The following DNAH5 variants were observed in gnomAD, a reference collection of about 807,000 sequenced individuals.
DNAH5 encodes the protein axonemal beta dynein heavy chain 5.
A neutral mutation model predicts 518.2 loss-of-function variants in DNAH5; 372 were observed. The observed-to-expected ratio is 0.72, with a 90% CI of 0.66 to 0.78. The LOEUF (loss-of-function observed/expected upper bound fraction) is 0.78, where lower values mean the gene tolerates loss of function less well. Ranked by LOEUF, DNAH5 falls within the 30% of genes least tolerant of loss-of-function variation. The probability of loss-of-function intolerance (pLI) is 0.00; values close to 1 mark genes in which losing one functional copy is unlikely to be tolerated. For missense variants in DNAH5, 5,523 were observed against 5,687.0 expected, an observed-to-expected ratio of 0.97 and a Z score of 0.93; for synonymous variants, 2,039 against 2,025.9, an observed-to-expected ratio of 1.01 and a Z score of -0.17.
intron 1 of DNAH5, among the ~76,000 whole-genome samples, chr5:13,961,444 G>A (rs1781171363): frequency 1.3e-5 from 2 of 152,106 alleles, no homozygotes; most frequent in Admixed American, 6.6e-5. Context: ...AGGAGTTCAA[G>A]ACCAGCCTGG....
chr5:13,982,294 C>A (rs1009037593), intron 1 of DNAH5, among the ~76,000 whole-genome samples: 1 of 152,268 alleles, frequency 6.6e-6, no homozygotes, highest in Non-Finnish European at 1.5e-5. Flanking sequence ...TCTCTATTTG[C>A]CTCATCCTAC....
chr5:13,793,489 C>A, intron 49 of DNAH5, 26 bp downstream of exon 49: 1 of 1,594,088 alleles, frequency 6.3e-7, no homozygotes, highest in Non-Finnish European at 8.6e-7. Context: ...CCTCACCCTC[C>A]CACCCCACAT....
intron 1 of DNAH5, among the ~76,000 whole-genome samples, chr5:14,008,620 C>T (rs536890867): frequency 8.7e-5 from 13 of 149,002 alleles, no homozygotes; most frequent in African/African-American, 7.4e-5. Flanking sequence ...GGCAACAGAG[C>T]GAGACTCTGT....
At chr5:13,922,598 G>A (rs12657602) in intron 4 of DNAH5, among the ~76,000 whole-genome samples, 9 of 151,426 alleles carry the variant, frequency 5.9e-5, no homozygotes, top group Non-Finnish European at 1.2e-4. Flanking sequence ...GTGGTGGCAG[G>A]CACCTGTAAT....
intron 57 of DNAH5, 92 bp downstream of exon 57, chr5:13,769,409 A>T: frequency 1.9e-6 from 2 of 1,067,482 alleles, no homozygotes. Flanking sequence ...TGTATACTTC[A>T]CTAGTTATAG....
rs770276245 is a variant in DNAH5, at chr5:13,719,092, C to T, written c.12289G>A (p.Ala4097Thr). 2 of 1,613,600 alleles carry T rather than the reference C, an allele frequency of 1.2e-6. No individual in the cohort carries two copies. Among genetic ancestry groups the T allele is most frequent in the Non-Finnish European group, 1.7e-6 (2 of 1,179,660 alleles). The change falls in exon 72 of 79, where the codon GCA becomes ACA. Residue 4097 changes from alanine to threonine, a missense_variant. Ala to Thr is a moderately conservative substitution (Grantham distance 58). Around this residue, in one of 3 missense-constraint regions of DNAH5, gnomAD observed 5,121 missense variants for 5,223.3 expected, o/e 0.98. Transcript: ENST00000265104. Reference sequence around the variant, plus strand: ...CCCAGATGGCAGTTCTGCAGAAGTGCCCATCCTCCCTGTCAATAGCAGTAA... The same window carrying T: ...CCCAGATGGCAGTTCTGCAGAAGTGTCCATCCTCCCTGTCAATAGCAGTAA... ...LQQTMANGGWALLQNCHLGLD... is the reference protein window; with the variant it reads ...LQQTMANGGWTLLQNCHLGLD...
At chr5:13,845,064 G>A in intron 31 of DNAH5, 71 bp from the exon 32 acceptor site, 1 of 1,463,366 alleles carries the variant, frequency 6.8e-7, no homozygotes, top group Admixed American at 1.8e-5. Context: ...AAATTAACCT[G>A]GATGGGAAAA....
At chr5:13,923,859 C>T (rs1265754758) in intron 3 of DNAH5, among the ~76,000 whole-genome samples, 6 of 152,012 alleles carry the variant, frequency 3.9e-5, no homozygotes, top group South Asian at 2.1e-4. Flanking sequence ...GCCTGGTCAA[C>T]GTGATGAAAC....
At chr5:13,888,095 C>T (rs1381338263) in intron 17 of DNAH5, among the ~76,000 whole-genome samples, 1 of 152,208 alleles carries the variant, frequency 6.6e-6, no homozygotes, top group Non-Finnish European at 1.5e-5. Flanking sequence ...ACAACTCCCA[C>T]TGCCCTCATG....
rs374327282 is a variant in DNAH5 at position 13,867,781 on chromosome 5, T to A, written c.4046A>T (p.Tyr1349Phe). 6 of 1,613,050 alleles carry A rather than the reference T, an allele frequency of 3.7e-6. No individual in the cohort carries two copies. The South Asian group carries it at 6.6e-5, about 18-fold the overall frequency. ...LQDCHQFYLDYDLNGPMASGL... is the reference protein window; with the variant it reads ...LQDCHQFYLDFDLNGPMASGL... Reference sequence around the variant, plus strand: ...AGAAAGCCAGAGACATACCAAATCATAGTCCAGATAAAACTGGTGACAATC... The same window carrying A: ...AGAAAGCCAGAGACATACCAAATCAAAGTCCAGATAAAACTGGTGACAATC... The change falls in exon 25 of 79, where the codon TAT becomes TTT. Residue 1349 changes from tyrosine (Y) to phenylalanine (F), a missense_variant. Transcript: ENST00000265104.
intron 16 of DNAH5, among the ~76,000 whole-genome samples, chr5:13,892,368 G>C (rs1376839043): frequency 6.6e-6 from 1 of 152,194 alleles, no homozygotes; most frequent in Non-Finnish European, 1.5e-5. Context: ...TTGCAGATGT[G>C]ATCAAGTTAG....
intron 47 of DNAH5, among the ~76,000 whole-genome samples, chr5:13,796,570 A>G (rs558219762): frequency 6.6e-6 from 1 of 152,352 alleles, no homozygotes; most frequent in South Asian, 2.1e-4. Flanking sequence ...AAAATGGAAG[A>G]ATATTCCATG....
chr5:13,694,789 ACT>A (rs1741144142), intron 78 of DNAH5, among the ~76,000 whole-genome samples: 1 of 152,096 alleles, frequency 6.6e-6, no homozygotes, highest in African/African-American at 2.4e-5. Flanking sequence ...TAGACAGTTC[ACT>A]CTTAACATAC....
chr5:13,767,597 T>G (rs1315110113), intron 58 of DNAH5, among the ~76,000 whole-genome samples: 3 of 152,168 alleles, frequency 2.0e-5, no homozygotes, highest in African/African-American at 7.2e-5. Context: ...AGGGTCAAAT[T>G]AAAGTTATAT....
chr5:14,003,740 G>A (rs930136196), intron 1 of DNAH5, among the ~76,000 whole-genome samples: 7 of 152,286 alleles, frequency 4.6e-5, no homozygotes, highest in African/African-American at 1.2e-4. Context: ...AAAGTGATGC[G>A]GCCAAGCCTT....
chr5:13,963,476 G>T (rs1289774852), intron 1 of DNAH5, among the ~76,000 whole-genome samples: 1 of 151,988 alleles, frequency 6.6e-6, no homozygotes, highest in Non-Finnish European at 1.5e-5. Flanking sequence ...TACTCGGGAG[G>T]CTGAGGCAGG....
intron 60 of DNAH5, among the ~76,000 whole-genome samples, chr5:13,759,292 T>C (rs1169858035): frequency 2.7e-5 from 4 of 149,956 alleles, no homozygotes; most frequent in African/African-American, 9.7e-5. Flanking sequence ...TTTAAAACTA[T>C]TTAAACATGT....
At chr5:13,775,413 G>T (rs777656712) in intron 55 of DNAH5, among the ~76,000 whole-genome samples, 2 of 152,036 alleles carry the variant, frequency 1.3e-5, no homozygotes, top group Non-Finnish European at 2.9e-5. Context: ...ATGATGGATA[G>T]ATGGATGGAT....
At chr5:13,901,648 A>G in intron 13 of DNAH5, 75 bp from the exon 14 acceptor site, 12 of 867,132 alleles carry the variant, frequency 1.4e-5, no homozygotes, top group Non-Finnish European at 2.1e-5. Context: ...AATATCTAGT[A>G]ATCTCATTTA....
Sources: gnomAD v4.1 joint callset for allele counts (sites outside exome capture counted in the v4.1 genomes callset) on GRCh38, gnomAD v4.1.1 for gene constraint, gnomAD v4.1.1 regional missense constraint, MANE v1.5 for transcripts, NCBI Gene and HGNC (gene_info 2026-07-23, HGNC 2026-07-21) for gene names.